The following ARNT variants were observed in gnomAD, a reference collection of about 807,000 sequenced individuals.
ARNT encodes the protein aryl hydrocarbon receptor nuclear translocator, also known as class E basic helix-loop-helix protein 2.
ARNT carries 30 observed loss-of-function variants against 105.0 expected under a neutral mutation model. The observed-to-expected ratio is 0.29, with a 90% confidence interval of 0.21 to 0.39. ARNT has a LOEUF of 0.39. Ranked by LOEUF, ARNT falls within the 10% of genes least tolerant of loss-of-function variation. The pLI, the probability that ARNT is intolerant of heterozygous loss-of-function variation, is 1.00. For synonymous variants in ARNT, 304 were observed against 344.0 expected (o/e 0.88, Z 1.29); for missense variants, 748 against 978.7 (o/e 0.76, Z 3.15).
Position 150,829,227 on chromosome 1 carries a change from C to G in ARNT, c.1033G>C (p.Val345Leu). The G allele has an allele frequency of 6.2e-7, 1 of 1,613,020 alleles. No homozygotes were observed. Among genetic ancestry groups the G allele is most frequent in the Non-Finnish European group, 8.5e-7 (1 of 1,179,368 alleles). The change falls in exon 12 of 22, where the codon GTA becomes CTA. Residue 345 changes from valine (V) to leucine (L), a missense_variant and splice_region_variant. Physicochemically the swap from Val to Leu is conservative, Grantham distance 32. Coordinates refer to ENST00000358595, the MANE Select transcript of ARNT (RefSeq NM_001668.4). ...FCLVAIGRLQ[V>L]TSSPNCTDMS... ...TCTGTACAGTTGGGAGAACTAGTTA[C>G]CTGAGAGTGAAGAGATAAAAATGAG... is the stretch of plus-strand genomic sequence containing the variant.
chr1:150,856,207 A>G lies in ARNT; in HGVS notation c.137+2142T>C, dbSNP rs374968833. 2.3e-4 allele frequency among the ~76,000 whole-genome samples: 35 copies of G among 152,276 alleles called. No homozygotes were observed. The East Asian group carries it at 6.8e-3, about 29-fold the overall frequency. ...TGTAATCCCGCACTTCGGGAGGCCA[A>G]GGCGGGTGGATCACGAGGTCAGGAG... is the stretch of plus-strand genomic sequence containing the variant. On this transcript the variant is annotated intron_variant, in intron 2 of 21. Coordinates refer to ENST00000358595, the MANE Select transcript of ARNT (RefSeq NM_001668.4).
In ARNT at chr1:150,811,977, CAG is replaced by C. The variant is rs756411577; in HGVS notation, c.*42_*43del. 2.2e-6 allele frequency: 3 copies of C among 1,375,404 alleles called. No homozygotes were observed. Among genetic ancestry groups the C allele is most frequent in the South Asian group, 1.7e-5 (1 of 59,958 alleles). 85.2% of individuals were successfully genotyped at this position (1,375,404 alleles called of 1,614,324 possible). A position where few individuals can be genotyped will look rare whatever the true frequency, so the allele number is the denominator to read the frequency against. Reference sequence around the variant, plus strand: ...GAAAGATTTGCTTTTTAAAAACAAACAGTGATTTTTTCTCCCCCACCCCTTAT... The same window carrying C: ...GAAAGATTTGCTTTTTAAAAACAAACTGATTTTTTCTCCCCCACCCCTTAT... On this transcript the variant is annotated 3_prime_UTR_variant, in exon 22 of 22. Coordinates refer to ENST00000358595, the MANE Select transcript of ARNT (RefSeq NM_001668.4).
chr1:150,860,356 C>T (rs977861272), intron 1 of ARNT, among the ~76,000 whole-genome samples: 2 of 150,506 alleles, frequency 1.3e-5, no homozygotes, highest in South Asian at 2.1e-4. Context: ...GCTGGGATTA[C>T]AGGCACGCAC....
At chr1:150,867,618 T>C (rs1050720975) in intron 1 of ARNT, among the ~76,000 whole-genome samples, 6 of 152,208 alleles carry the variant, frequency 3.9e-5, no homozygotes, top group African/African-American at 1.2e-4. Flanking sequence ...GAGTCTTTTA[T>C]ACATAAAAGA....
rs1295592159 is a variant in ARNT at position 150,810,028 on chromosome 1, G to A, written c.*1993C>T. ...AAACTATAGATTCCTCTGGTTGTGG[G>A]TGCCTGTTGTTTATGAACTGGAAAG... On this transcript the variant is annotated 3_prime_UTR_variant, in exon 22 of 22. Coordinates refer to ENST00000358595, the MANE Select transcript of ARNT (RefSeq NM_001668.4). 1 of 228,588 alleles carries A rather than the reference G, an allele frequency of 4.4e-6. No homozygotes were observed. Among genetic ancestry groups the A allele is most frequent in the Non-Finnish European group, 8.7e-6 (1 of 114,914 alleles). 14.2% of individuals were successfully genotyped at this position (228,588 alleles called of 1,614,324 possible).
chr1:150,813,022 C>A, intron 21 of ARNT, 150 bp downstream of exon 21: 1 of 861,948 alleles, frequency 1.2e-6, no homozygotes, highest in Non-Finnish European at 1.8e-6. Flanking sequence ...CAATAACTGA[C>A]AGTGATCCCT....
chr1:150,826,570 C>T lies in ARNT; in HGVS notation c.1215G>A (p.Gln405=), dbSNP rs767780021. ...NIVEFCHPED[Q]QLLRDSFQQV... ...GTTGGAAGCTGTCTCTTAGAAGCTG[C>T]TGGTCTTCAGGATGACAGAATTCTA... The change falls in exon 13 of 22, where the codon CAG becomes CAA. Residue 405 remains glutamine (Q), a synonymous_variant. Coordinates refer to ENST00000358595, the MANE Select transcript of ARNT (RefSeq NM_001668.4). The T allele has an allele frequency of 2.5e-6, 4 of 1,613,242 alleles. No individual in the cohort carries two copies. The highest frequency in any genetic ancestry group is 8.5e-7 in the Non-Finnish European group (1 of 1,179,462).
At chr1:150,857,875 A>G (rs1445909815) in intron 2 of ARNT, among the ~76,000 whole-genome samples, 1 of 152,226 alleles carries the variant, frequency 6.6e-6, no homozygotes, top group East Asian at 1.9e-4. Context: ...AATCAGCACA[A>G]TGCCATAACA....
At chr1:150,853,057 G>T in intron 2 of ARNT, 1 of 458,424 alleles carries the variant, frequency 2.2e-6, no homozygotes, top group Non-Finnish European at 4.0e-6. Flanking sequence ...GAGGTGGGTG[G>T]ATCACCTGAG....
intron 8 of ARNT, among the ~76,000 whole-genome samples, chr1:150,834,085 C>T (rs970728774): frequency 1.3e-5 from 2 of 152,038 alleles, no homozygotes; most frequent in African/African-American, 2.4e-5. Flanking sequence ...GGGCGCACGC[C>T]ACCACGCCCG....
chr1:150,836,204 G>A, intron 7 of ARNT, 76 bp downstream of exon 7: 1 of 1,454,236 alleles, frequency 6.9e-7, no homozygotes, highest in South Asian at 1.2e-5. Flanking sequence ...CAATTTAACA[G>A]CTAAAACATC....
chr1:150,829,076 G>A lies in ARNT; in HGVS notation c.1167+17C>T, dbSNP rs901445085. 6.2e-7 allele frequency: 1 copy of A among 1,613,312 alleles called. No homozygotes were observed. The highest frequency in any genetic ancestry group is 8.5e-7 in the Non-Finnish European group (1 of 1,179,606). On this transcript the variant is annotated intron_variant, in intron 12 of 21. Coordinates refer to ENST00000358595, the MANE Select transcript of ARNT (RefSeq NM_001668.4). ...GCCAAAGGAAAATGGAGGCCTAATG[G>A]AGCTCCAGCTCCTCACCTGTGGCTG...
intron 21 of ARNT, chr1:150,812,848 C>T (rs772648016): frequency 6.0e-5 from 14 of 231,586 alleles, no homozygotes; most frequent in Non-Finnish European, 9.3e-5. Flanking sequence ...GTATGTATCA[C>T]ACTCAATTCA....
intron 3 of ARNT, 105 bp from the exon 4 acceptor site, chr1:150,846,412 C>T: frequency 8.8e-7 from 1 of 1,137,070 alleles, no homozygotes; most frequent in Non-Finnish European, 1.3e-6. Context: ...AGAAAAAAAG[C>T]CAATGGAAAA....
chr1:150,853,138 G>A (rs1255804336), intron 2 of ARNT: 2 of 316,260 alleles, frequency 6.3e-6, no homozygotes, highest in Non-Finnish European at 1.2e-5. Flanking sequence ...AAAATTAGCT[G>A]GGCATGGTGG....
rs780025415 is a variant in ARNT, at chr1:150,813,255, G to T, written c.2197C>A (p.Gln733Lys). The change falls in exon 21 of 22, where the codon CAG becomes AAG. Residue 733 changes from glutamine to lysine, a missense_variant. By Grantham distance (53) the Gln-to-Lys change is moderately conservative (BLOSUM62 1). Transcript: ENST00000358595. The part of the protein sequence containing the change: ...VGVWPQWQGQ[Q>K]PHHRSSSSEQ... ...CTAGAACTTGAACGATGATGAGGCT[G>T]CTGGCCCTGCCACTGTGGCCAGACA... 2 of 1,613,902 alleles carry T rather than the reference G, an allele frequency of 1.2e-6. No individual in the cohort carries two copies. The highest frequency in any genetic ancestry group is 1.7e-5 in the Admixed American group (1 of 59,992).
chr1:150,813,960 G>C, intron 20 of ARNT, 117 bp downstream of exon 20: 1 of 1,324,154 alleles, frequency 7.6e-7, no homozygotes, highest in Non-Finnish European at 1.0e-6. Flanking sequence ...TTGTCACCTT[G>C]CATTTCCCTA....
At chr1:150,813,991 C>T in intron 20 of ARNT, 86 bp downstream of exon 20, 2 of 1,521,294 alleles carry the variant, frequency 1.3e-6, no homozygotes, top group Non-Finnish European at 1.8e-6. Context: ...AGTGTACCCA[C>T]AACACAGGCA....
chr1:150,825,444 G>A (rs755059776), intron 13 of ARNT, among the ~76,000 whole-genome samples: 2 of 152,116 alleles, frequency 1.3e-5, no homozygotes, highest in South Asian at 2.1e-4. Flanking sequence ...AGTAAAAACC[G>A]TTATCAAAAG....
Sources: allele counts gnomAD v4.1 joint callset (sites outside exome capture counted in the v4.1 genomes callset), GRCh38; gene constraint gnomAD v4.1.1; transcripts MANE v1.5; gene names NCBI Gene and HGNC (gene_info 2026-07-23, HGNC 2026-07-21).